The following RPS25 variants were observed in gnomAD, a reference collection of about 807,000 sequenced individuals.
RPS25 encodes the protein small ribosomal subunit protein eS25.
In RPS25, 1 loss-of-function variant was observed where a neutral mutation model predicts 14.4. The ratio of observed to expected loss-of-function variants is 0.07; its 90% CI spans 0.02 to 0.33. The LOEUF (loss-of-function observed/expected upper bound fraction) is 0.33. Ranked by LOEUF, RPS25 falls within the 10% of genes least tolerant of loss-of-function variation. The probability of loss-of-function intolerance (pLI) is 1.00; values close to 1 mark genes in which losing one functional copy is unlikely to be tolerated. For missense variants in RPS25, 65 were observed against 144.6 expected (o/e 0.45, Z 2.82); for synonymous variants, 63 against 53.8 (o/e 1.17, Z -0.75).
intron 2 of RPS25, 179 bp from the exon 3 acceptor site, chr11:119,017,724 C>T: frequency 2.9e-6 from 2 of 694,860 alleles, no homozygotes; most frequent in Non-Finnish European, 4.8e-6. Flanking sequence ...AGGGGCCGAG[C>T]CCCACTAGAT....
In RPS25 at chr11:119,017,126, A is replaced by C. The variant is rs528994835; in HGVS notation, c.283+236T>G. ...TATGCATCCATTTACTCGAAACATA[A>C]AAGATCCTTGGGCTTCACTAAACTG... On this transcript the variant is annotated intron_variant, in intron 3 of 4. Transcript: ENST00000527673. Among the ~76,000 whole-genome samples, 56 of 152,354 alleles carry C rather than the reference A, an allele frequency of 3.7e-4. No homozygotes were observed. In the South Asian group the frequency reaches 0.011, roughly 31 times the overall value.
At chr11:119,018,130 G>C in intron 1 of RPS25, 77 bp from the exon 2 acceptor site, 1 of 1,556,612 alleles carries the variant, frequency 6.4e-7, no homozygotes, top group Non-Finnish European at 8.9e-7. Flanking sequence ...CTCAGCCCCC[G>C]CAAACTCCAC....
intron 1 of RPS25, 105 bp downstream of exon 1, chr11:119,018,177 C>T (rs1256376389): frequency 1.9e-6 from 3 of 1,588,388 alleles, no homozygotes; most frequent in South Asian, 1.1e-5. Flanking sequence ...ACCGCGCCCG[C>T]CCTGCAACCG....
chr11:119,016,636 C>G (rs921373648), intron 3 of RPS25, among the ~76,000 whole-genome samples: 1 of 115,042 alleles, frequency 8.7e-6, no homozygotes, highest in Admixed American at 7.9e-5. Flanking sequence ...TATCTTCCAC[C>G]CCCCCCCCCT....
intron 3 of RPS25, among the ~76,000 whole-genome samples, chr11:119,017,041 T>C (rs1943179320): frequency 6.6e-6 from 1 of 152,220 alleles, no homozygotes; most frequent in East Asian, 1.9e-4. Context: ...TTTTAAACAT[T>C]TTCAAAGTTG....
chr11:119,017,771 C>T, intron 2 of RPS25, 187 bp downstream of exon 2: 1 of 660,426 alleles, frequency 1.5e-6, no homozygotes, highest in South Asian at 2.0e-5. Context: ...GCGGCAGACA[C>T]TTCGCACAAC....
chr11:119,017,796 G>A, intron 2 of RPS25, 162 bp downstream of exon 2: 1 of 684,248 alleles, frequency 1.5e-6, no homozygotes, highest in Non-Finnish European at 2.5e-6. Context: ...CCATTTTCAT[G>A]ATCCTAATGG....
chr11:119,018,259 G>A (rs1943214659), intron 1 of RPS25, 23 bp downstream of exon 1: 2 of 1,614,066 alleles, frequency 1.2e-6, no homozygotes, highest in Non-Finnish European at 1.7e-6. Context: ...GAACGCCGGC[G>A]ACTTCACACC....
At chr11:119,017,887 A>G in intron 2 of RPS25, 71 bp downstream of exon 2, 1 of 1,236,652 alleles carries the variant, frequency 8.1e-7, no homozygotes, top group Non-Finnish European at 1.2e-6. Context: ...CACTTACTAT[A>G]CAAGTTACCT....
chr11:119,018,157 C>T, intron 1 of RPS25, 104 bp from the exon 2 acceptor site: 1 of 1,570,112 alleles, frequency 6.4e-7, no homozygotes, highest in Non-Finnish European at 8.8e-7. Context: ...AGCACATGGG[C>T]CAAGCAATAA....
At chr11:119,017,842 C>A in intron 2 of RPS25, 116 bp downstream of exon 2, 1 of 830,342 alleles carries the variant, frequency 1.2e-6, no homozygotes. Context: ...GATAAACTCT[C>A]ACATTTTGAC....
At chr11:119,016,826 T>C (rs1181870497) in intron 3 of RPS25, among the ~76,000 whole-genome samples, 4 of 152,012 alleles carry the variant, frequency 2.6e-5, no homozygotes, top group African/African-American at 9.7e-5. Flanking sequence ...TTCACCATAT[T>C]GGCCAGGCTG....
chr11:119,017,649 G>A (rs1456685937), intron 2 of RPS25, 104 bp from the exon 3 acceptor site: 9 of 1,066,380 alleles, frequency 8.4e-6, no homozygotes, highest in East Asian at 7.4e-5. Context: ...CGTTATCAAG[G>A]ATAAATTACA....
rs1223918217 is a variant in RPS25, at chr11:119,016,741, A to G, written c.283+621T>C. Among the ~76,000 whole-genome samples the G allele has an allele frequency of 4.0e-5, 6 of 149,548 alleles. No individual in the cohort carries two copies. The East Asian group carries it at 1.0e-3, about 25-fold the overall frequency. On this transcript the variant is annotated intron_variant, in intron 3 of 4. Transcript: ENST00000527673. ...CATCTCCTGGGTTCAAGGGATCCTC[A>G]TGCCTCAGCATCCTGAGTAGCTGGG...
At position 119,016,347 on chromosome 11, in the gene RPS25, T is replaced by G. The variant is rs533630277; in HGVS notation, c.284-408A>C. 4.6e-5 allele frequency among the ~76,000 whole-genome samples: 7 copies of G among 152,030 alleles called. No individual in the cohort carries two copies. The East Asian group carries it at 1.4e-3, about 29-fold the overall frequency. ...AATCCCAGCACTTTGGACAGGTGGA[T>G]CTCTTGAGCCCAGGAGACCAGCCTG... On this transcript the variant is annotated intron_variant, in intron 3 of 4. Coordinates refer to ENST00000527673, the MANE Select transcript of RPS25 (RefSeq NM_001028.3).
chr11:119,017,335 AAC>A lies in RPS25; in HGVS notation c.283+25_283+26del, dbSNP rs782805098. 11 of 1,532,342 alleles carry A rather than the reference AAC, an allele frequency of 7.2e-6. No homozygotes were observed. In the Admixed American group the frequency reaches 8.3e-5, roughly 12 times the overall value. 94.9% of individuals were successfully genotyped at this position (1,532,342 alleles called of 1,614,324 possible). ...TGGTCAAGACAATTTAACCTACAAAAACACACATGTAGGATACACCCCTCACC... is the reference window on the plus strand; with the variant it reads ...TGGTCAAGACAATTTAACCTACAAAAACACATGTAGGATACACCCCTCACC... On this transcript the variant is annotated intron_variant, in intron 3 of 4. Coordinates refer to ENST00000527673, the MANE Select transcript of RPS25 (RefSeq NM_001028.3).
chr11:119,016,189 G>A (rs1209837012), intron 3 of RPS25, among the ~76,000 whole-genome samples: 1 of 152,194 alleles, frequency 6.6e-6, no homozygotes, highest in African/African-American at 2.4e-5. Flanking sequence ...TTGGGAAGCT[G>A]AGGTGAGGAC....
Position 119,015,755 on chromosome 11 carries a change from G to A in RPS25, c.*8C>T. 8.0e-7 allele frequency: 1 copy of A among 1,251,210 alleles called. No individual in the cohort carries two copies. Among genetic ancestry groups the A allele is most frequent in the Non-Finnish European group, 1.2e-6 (1 of 865,338 alleles). 77.5% of individuals were successfully genotyped at this position (1,251,210 alleles called of 1,614,324 possible). On this transcript the variant is annotated 3_prime_UTR_variant, in exon 5 of 5. Transcript: ENST00000527673. ...TATTTTTCCAAATGTACAGCTGGTT[G>A]GACCTGTAAAAAAAAATTAAAAGAA...
intron 3 of RPS25, 104 bp downstream of exon 3, chr11:119,017,258 C>T (rs1943185659): frequency 4.3e-6 from 3 of 701,396 alleles, no homozygotes; most frequent in African/African-American, 1.9e-5. Flanking sequence ...TCAAGCCACG[C>T]TTTTTTTTTT....
Sources: gnomAD v4.1 joint callset for allele counts (sites outside exome capture counted in the v4.1 genomes callset) on GRCh38, gnomAD v4.1.1 for gene constraint, MANE v1.5 for transcripts, NCBI Gene and HGNC (gene_info 2026-07-23, HGNC 2026-07-21) for gene names.